Variants in HBP1 observed in about 807,000 individuals in gnomAD.
HBP1 encodes HMG-box transcription factor 1.
Under a neutral mutation model 62.6 loss-of-function variants are expected in HBP1, and 20 were observed. That is an observed-to-expected ratio of 0.32 (90% CI 0.22 to 0.46). The LOEUF is 0.46. Among genes scored for constraint, HBP1 ranks in the 20% least tolerant of loss-of-function variants. HBP1 has a pLI of 1.00. For synonymous variants in HBP1, 232 were observed against 206.2 expected (o/e 1.12, Z -1.07); for missense variants, 480 against 611.8 (o/e 0.78, Z 2.27).
Position 107,179,859 on chromosome 7 carries a change from A to C in HBP1, c.-15-20A>C, listed in dbSNP as rs765783646. The C allele has an allele frequency of 6.6e-7, 1 of 1,515,822 alleles. No homozygotes were observed. Among genetic ancestry groups the C allele is most frequent in the Admixed American group, 1.7e-5 (1 of 58,206 alleles). 93.9% of individuals were successfully genotyped at this position (1,515,822 alleles called of 1,614,324 possible). ...ATTGCATGGCTTGACATCATTTCTT[A>C]ATGTCGTTTTTATTTTAAGTCAGAG... On this transcript the variant is annotated intron_variant, in intron 1 of 10. Transcript: ENST00000222574.
intron 6 of HBP1, among the ~76,000 whole-genome samples, chr7:107,188,548 G>A (rs1253372634): frequency 6.6e-6 from 1 of 152,148 alleles, no homozygotes; most frequent in Non-Finnish European, 1.5e-5. Context: ...GAATGTAAGG[G>A]TAAGGATCAT....
rs937126311 is a variant in HBP1 at position 107,169,060 on chromosome 7, G to A, written c.-141G>A. 3.9e-6 allele frequency: 5 copies of A among 1,288,546 alleles called. No homozygotes were observed. The African/African-American group carries it at 4.6e-5, about 12-fold the overall frequency. 79.8% of individuals were successfully genotyped at this position (1,288,546 alleles called of 1,614,324 possible). On this transcript the variant is annotated 5_prime_UTR_variant, in exon 1 of 11. Coordinates refer to ENST00000222574, the MANE Select transcript of HBP1 (RefSeq NM_012257.4). ...GGAAAGTTTCGGTTGAGGAGTAAGA[G>A]CTGCCGCGGGAGCAGTAACCCGCGC...
intron 2 of HBP1, 60 bp from the exon 3 acceptor site, chr7:107,182,313 T>C (rs1352102343): frequency 3.4e-6 from 3 of 889,620 alleles, no homozygotes; most frequent in East Asian, 2.4e-5. Context: ...ACTGCAGTTA[T>C]AATATTGTTC....
At chr7:107,185,716 G>A (rs949118398) in intron 3 of HBP1, 85 bp from the exon 4 acceptor site, 17 of 1,053,910 alleles carry the variant, frequency 1.6e-5, no homozygotes, top group Admixed American at 1.0e-4. Flanking sequence ...TAACATTGGC[G>A]TTTTAAATAT....
In HBP1 at chr7:107,171,069, A is replaced by ATTTTTTTTTTT. The variant is rs1292839546; in HGVS notation, c.-16+1885_-16+1886insTTTTTTTTTTT. 3.2e-4 allele frequency among the ~76,000 whole-genome samples: 23 copies of ATTTTTTTTTTT among 72,380 alleles called. 2 individuals carry two copies. The highest frequency in any genetic ancestry group is 2.3e-3 in the African/African-American group (22 of 9,418). 47.5% of individuals were successfully genotyped at this position (72,380 alleles called of 152,430 possible). ...TAAATATATATATATATATATATAT[A>ATTTTTTTTTTT]TATATTTTTTTTTTTTTTTGAGAGG... On this transcript the variant is annotated intron_variant, in intron 1 of 10. Coordinates refer to ENST00000222574, the MANE Select transcript of HBP1 (RefSeq NM_012257.4).
At position 107,171,044 on chromosome 7, in the gene HBP1, T is replaced by TAA. The variant is rs1562881803; in HGVS notation, c.-16+1861_-16+1862dup. Among the ~76,000 whole-genome samples the TAA allele has an allele frequency of 3.0e-5, 3 of 100,788 alleles. 1 individual carries two copies. Among genetic ancestry groups the TAA allele is most frequent in the African/African-American group, 1.5e-4 (3 of 20,034 alleles). The allele number at this position is 100,788 out of a possible 152,430, so 66.1% of individuals were successfully genotyped here. On this transcript the variant is annotated intron_variant, in intron 1 of 10. Coordinates refer to ENST00000222574, the MANE Select transcript of HBP1 (RefSeq NM_012257.4). ...ATAAAATATATAACATATACATGTA[T>TAA]AAATATATATATATATATATATATA...
chr7:107,171,368 C>T (rs1406171047), intron 1 of HBP1, among the ~76,000 whole-genome samples: 1 of 151,760 alleles, frequency 6.6e-6, no homozygotes, highest in African/African-American at 2.4e-5. Flanking sequence ...CCGTGCCCGG[C>T]CCACTATATT....
At chr7:107,183,658 T>C (rs1797220297) in intron 3 of HBP1, among the ~76,000 whole-genome samples, 1 of 152,146 alleles carries the variant, frequency 6.6e-6, no homozygotes, top group Admixed American at 6.5e-5. Context: ...TTTTTTTTCT[T>C]TCTCTAGAGA....
At chr7:107,172,328 T>C (rs1234702527) in intron 1 of HBP1, among the ~76,000 whole-genome samples, 1 of 152,208 alleles carries the variant, frequency 6.6e-6, no homozygotes, top group Non-Finnish European at 1.5e-5. Context: ...AATTATAGAA[T>C]GAAGTTTTGA....
chr7:107,179,368 T>G (rs2115835821), intron 1 of HBP1, among the ~76,000 whole-genome samples: 1 of 152,342 alleles, frequency 6.6e-6, no homozygotes, highest in Middle Eastern at 3.4e-3. Context: ...CTTTTGGGAT[T>G]GAAATGTGAT....
chr7:107,198,897 TAATA>T (rs370551003), intron 9 of HBP1, among the ~76,000 whole-genome samples: 140 of 152,334 alleles, frequency 9.2e-4, no homozygotes, highest in Middle Eastern at 3.4e-3. Flanking sequence ...TAGCTTAAAA[TAATA>T]AATGTTTCGC....
rs1043327582 is a variant in HBP1, at chr7:107,182,289, G to A, written c.170-84G>A. 53 of 713,130 alleles carry A rather than the reference G, an allele frequency of 7.4e-5. 2 individuals carry two copies. In the Admixed American group the frequency reaches 1.2e-3, roughly 16 times the overall value. 44.2% of individuals were successfully genotyped at this position (713,130 alleles called of 1,614,324 possible). A position where few individuals can be genotyped will look rare whatever the true frequency, so the allele number is the denominator to read the frequency against. ...CTCAAAATTAATTAGCTAAAATTGA[G>A]GACTTCTCTTTTAACTGCAGTTATA... is the stretch of plus-strand genomic sequence containing the variant. On this transcript the variant is annotated intron_variant, in intron 2 of 10. Transcript: ENST00000222574.
intron 9 of HBP1, among the ~76,000 whole-genome samples, chr7:107,198,873 T>G (rs985846384): frequency 6.6e-6 from 1 of 152,230 alleles, no homozygotes; most frequent in Non-Finnish European, 1.5e-5. Context: ...TACATTTCAT[T>G]ACCTGTCATC....
intron 1 of HBP1, chr7:107,174,415 TTAAAA>T (rs1281745940): frequency 1.5e-5 from 14 of 951,258 alleles, no homozygotes; most frequent in Middle Eastern, 1.1e-3. Context: ...TGTTTTGAAA[TTAAAA>T]TAATGTCTTT....
At chr7:107,169,755 T>G in intron 1 of HBP1, 1 of 974,430 alleles carries the variant, frequency 1.0e-6, no homozygotes, top group Non-Finnish European at 1.2e-6. Flanking sequence ...GCCTGCGCGC[T>G]GGGGCTGAGC....
At chr7:107,183,938 G>T (rs1797233166) in intron 3 of HBP1, among the ~76,000 whole-genome samples, 2 of 152,178 alleles carry the variant, frequency 1.3e-5, no homozygotes. Context: ...TAGTTAAGGA[G>T]TTGAGGACAG....
rs762508639 is a variant in HBP1, at chr7:107,186,514, CT to C, written c.652+44del. 3.2e-6 allele frequency: 5 copies of C among 1,562,886 alleles called. No individual in the cohort carries two copies. In the Admixed American group the frequency reaches 8.4e-5, roughly 26 times the overall value. On this transcript the variant is annotated intron_variant, in intron 5 of 10. Transcript: ENST00000222574. ...AACAAAAACCTTGAATTTTCCACAGCTTACTTGTCTAGTACAGTCACGTGTC... is the reference window on the plus strand; with the variant it reads ...AACAAAAACCTTGAATTTTCCACAGCTACTTGTCTAGTACAGTCACGTGTC...
intron 1 of HBP1, among the ~76,000 whole-genome samples, chr7:107,176,275 C>G (rs1324968215): frequency 3.9e-5 from 6 of 152,050 alleles, no homozygotes; most frequent in Admixed American, 6.5e-5. Context: ...CCGCCCTCCT[C>G]GGCTTCCCAA....
Position 107,202,477 on chromosome 7 carries a change from A to G in HBP1, c.*1046A>G, listed in dbSNP as rs367826914. On this transcript the variant is annotated 3_prime_UTR_variant, in exon 11 of 11. Coordinates refer to ENST00000222574, the MANE Select transcript of HBP1 (RefSeq NM_012257.4). ...ATGTTGCCCCTAAATTTTGCACACT[A>G]TATTCTTGTATATTATTTCAAATAA... is the stretch of plus-strand genomic sequence containing the variant. The G allele has an allele frequency of 6.6e-6, 1 of 152,624 alleles. No homozygotes were observed. The highest frequency in any genetic ancestry group is 2.1e-4 in the South Asian group (1 of 4,824). 9.5% of individuals were successfully genotyped at this position (152,624 alleles called of 1,614,324 possible).
Sources: allele counts gnomAD v4.1 joint callset (sites outside exome capture counted in the v4.1 genomes callset), GRCh38; gene constraint gnomAD v4.1.1; transcripts MANE v1.5; gene names NCBI Gene and HGNC (gene_info 2026-07-23, HGNC 2026-07-21).